The following CDKN2B variants were observed in gnomAD, a reference collection of about 807,000 sequenced individuals.
CDKN2B encodes the protein cyclin-dependent kinase 4 inhibitor B.
In CDKN2B, 8 loss-of-function variants were observed where a neutral mutation model predicts 7.7. The ratio of observed to expected loss-of-function variants is 1.04; its 90% CI spans 0.61 to 1.87. CDKN2B has a LOEUF of 1.87. Among genes scored for constraint, CDKN2B ranks in the 40% most tolerant of loss-of-function variants. The pLI, the probability that CDKN2B is intolerant of heterozygous loss-of-function variation, is 0.00. For synonymous variants in CDKN2B, 93 were observed against 95.8 expected (o/e 0.97, Z 0.17); for missense variants, 244 against 213.1 (o/e 1.15, Z -0.90).
rs183610933 is a variant in CDKN2B at position 22,005,211 on chromosome 9, T to A, written c.*776A>T. ...CTCCACCACCTCATCCTGTGTAGTC[T>A]GCCTGCGGAACCCGCGGGAATCTCT... On this transcript the variant is annotated 3_prime_UTR_variant, in exon 2 of 2. Coordinates refer to ENST00000276925, the MANE Select transcript of CDKN2B (RefSeq NM_004936.4). This position sits in a 1 kb window ranked among gnomAD's most constrained non-coding sequence, Gnocchi z 4.9. The A allele has an allele frequency of 4.3e-6, 1 of 233,586 alleles. No individual in the cohort carries two copies. Among genetic ancestry groups the A allele is most frequent in the Non-Finnish European group, 8.4e-6 (1 of 118,484 alleles). 14.5% of individuals were successfully genotyped at this position (233,586 alleles called of 1,614,324 possible). A position where few individuals can be genotyped will look rare whatever the true frequency, so the allele number is the denominator to read the frequency against.
rs916462399 is a variant in CDKN2B, at chr9:22,009,283, G to A, written c.-330C>T. On this transcript the variant is annotated 5_prime_UTR_variant, in exon 1 of 2. Coordinates refer to ENST00000276925, the MANE Select transcript of CDKN2B (RefSeq NM_004936.4). ...GCGGACGCGTCGCGGAGTCCTCACTGCCCCGCCTCGCTCTGGCAGAGTGGG... is the reference window on the plus strand; with the variant it reads ...GCGGACGCGTCGCGGAGTCCTCACTACCCCGCCTCGCTCTGGCAGAGTGGG... 2 of 483,306 alleles carry A rather than the reference G, an allele frequency of 4.1e-6. No individual in the cohort carries two copies. The highest frequency in any genetic ancestry group is 7.4e-6 in the Non-Finnish European group (2 of 269,794). The allele number at this position is 483,306 out of a possible 1,614,324, so 29.9% of individuals were successfully genotyped here.
At position 22,005,169 on chromosome 9, in the gene CDKN2B, C is replaced by T. The variant is rs1821106664; in HGVS notation, c.*818G>A. On this transcript the variant is annotated 3_prime_UTR_variant, in exon 2 of 2. Coordinates refer to ENST00000276925, the MANE Select transcript of CDKN2B (RefSeq NM_004936.4). The surrounding 1 kb of genome is among the most constrained non-coding windows in gnomAD (Gnocchi z 4.9). ...AAGAAAACGTTACAGTTAACCGTTA[C>T]AATTGCTCTCACTCCACTCCACCAC... 1 of 232,828 alleles carries T rather than the reference C, an allele frequency of 4.3e-6. No homozygotes were observed. Among genetic ancestry groups the T allele is most frequent in the Non-Finnish European group, 8.5e-6 (1 of 118,170 alleles). 14.4% of individuals were successfully genotyped at this position (232,828 alleles called of 1,614,324 possible). A position where few individuals can be genotyped will look rare whatever the true frequency, so the allele number is the denominator to read the frequency against.
rs1170149362 is a variant in CDKN2B, at chr9:22,004,165, C to T, written c.*1822G>A. The T allele has an allele frequency of 4.3e-6, 1 of 232,252 alleles. No individual in the cohort carries two copies. Among genetic ancestry groups the T allele is most frequent in the Non-Finnish European group, 8.5e-6 (1 of 117,552 alleles). The allele number at this position is 232,252 out of a possible 1,614,324, so 14.4% of individuals were successfully genotyped here. On this transcript the variant is annotated 3_prime_UTR_variant, in exon 2 of 2. Coordinates refer to ENST00000276925, the MANE Select transcript of CDKN2B (RefSeq NM_004936.4). The stretch of plus-strand genomic sequence containing the variant: ...CAGATTATGTGTCAATAAACATATC[C>T]TTTCCCCAATAACATATGCTCTGAT...
At chr9:22,008,570 T>C (rs1821308702) in intron 1 of CDKN2B, 2 of 1,211,262 alleles carry the variant, frequency 1.7e-6, no homozygotes, top group Non-Finnish European at 1.1e-6. Context: ...GATCATGAGA[T>C]GGCAGAACAA....
rs2131183663 is a variant in CDKN2B at position 22,006,796 on chromosome 9, G to A, written c.157-549C>T. On this transcript the variant is annotated intron_variant, in intron 1 of 1. Coordinates refer to ENST00000276925, the MANE Select transcript of CDKN2B (RefSeq NM_004936.4). This position sits in a 1 kb window ranked among gnomAD's most constrained non-coding sequence, Gnocchi z 6.4. Reference sequence around the variant, plus strand: ...ATTTAGTTCTCATAGCAAATCCCGTGCGGAAGGCTTTTGTTTGTCATGTGT... The same window carrying A: ...ATTTAGTTCTCATAGCAAATCCCGTACGGAAGGCTTTTGTTTGTCATGTGT... Among the ~76,000 whole-genome samples the A allele has an allele frequency of 6.6e-6, 1 of 151,380 alleles. No individual in the cohort carries two copies. The highest frequency in any genetic ancestry group is 2.1e-4 in the South Asian group (1 of 4,758).
Position 22,003,855 on chromosome 9 carries a change from A to T in CDKN2B, c.*2132T>A, listed in dbSNP as rs564289170. 1 of 232,382 alleles carries T rather than the reference A, an allele frequency of 4.3e-6. No homozygotes were observed. The highest frequency in any genetic ancestry group is 1.8e-4 in the South Asian group (1 of 5,516). The allele number at this position is 232,382 out of a possible 1,614,324, so 14.4% of individuals were successfully genotyped here. The stretch of plus-strand genomic sequence containing the variant: ...AAGAAAAGCCACCTTAGGAGCTTAC[A>T]AGGGAGATCATTGTGTATTTCTGCT... On this transcript the variant is annotated 3_prime_UTR_variant, in exon 2 of 2. Transcript: ENST00000276925.
Position 22,005,934 on chromosome 9 carries a change from T to G in CDKN2B, c.*53A>C, listed in dbSNP as rs1181424323. On this transcript the variant is annotated 3_prime_UTR_variant, in exon 2 of 2. Coordinates refer to ENST00000276925, the MANE Select transcript of CDKN2B (RefSeq NM_004936.4). This position sits in a 1 kb window ranked among gnomAD's most constrained non-coding sequence, Gnocchi z 4.9. ...CTTCATCGAATTAGGTGGGTGGGGG[T>G]GGGAAATTGGGTAAGAAAATAAAGT... 9 of 1,576,160 alleles carry G rather than the reference T, an allele frequency of 5.7e-6. 1 individual carries two copies. Among genetic ancestry groups the G allele is most frequent in the South Asian group, 2.3e-5 (2 of 88,850 alleles).
rs890483419 is a variant in CDKN2B, at chr9:22,003,887, TA to T, written c.*2099del. 4 of 232,202 alleles carry T rather than the reference TA, an allele frequency of 1.7e-5. No individual in the cohort carries two copies. Among genetic ancestry groups the T allele is most frequent in the East Asian group, 1.2e-4 (2 of 16,398 alleles). 14.4% of individuals were successfully genotyped at this position (232,202 alleles called of 1,614,324 possible). A position where few individuals can be genotyped will look rare whatever the true frequency, so the allele number is the denominator to read the frequency against. The stretch of plus-strand genomic sequence containing the variant: ...ATCATTGTGTATTTCTGCTTTTTTT[TA>T]AAAAAAGTTATCTTCATGTGTATCA... On this transcript the variant is annotated 3_prime_UTR_variant, in exon 2 of 2. Coordinates refer to ENST00000276925, the MANE Select transcript of CDKN2B (RefSeq NM_004936.4).
chr9:22,009,015 A>C lies in CDKN2B; in HGVS notation c.-62T>G. 2 of 1,608,008 alleles carry C rather than the reference A, an allele frequency of 1.2e-6. No individual in the cohort carries two copies. Among genetic ancestry groups the C allele is most frequent in the South Asian group, 1.1e-5 (1 of 90,926 alleles). On this transcript the variant is annotated 5_prime_UTR_variant, in exon 1 of 2. Transcript: ENST00000276925. ...CACCGTTGGCCGTAAACTTAACGAC[A>C]CTCTTCCCTTCTTTCCCACGCTGCT...
In CDKN2B at chr9:22,005,223, C is replaced by A. The variant is rs1821112990; in HGVS notation, c.*764G>T. ...ATCCTGTGTAGTCTGCCTGCGGAAC[C>A]CGCGGGAATCTCTCCTCAGTGTAGT... On this transcript the variant is annotated 3_prime_UTR_variant, in exon 2 of 2. Transcript: ENST00000276925. The surrounding 1 kb of genome is among the most constrained non-coding windows in gnomAD (Gnocchi z 4.9). 4.3e-6 allele frequency: 1 copy of A among 233,668 alleles called. No homozygotes were observed. The highest frequency in any genetic ancestry group is 8.4e-6 in the Non-Finnish European group (1 of 118,438). The allele number at this position is 233,668 out of a possible 1,614,324, so 14.5% of individuals were successfully genotyped here.
In CDKN2B at chr9:22,009,145, T is replaced by C. The variant is rs1821358433; in HGVS notation, c.-192A>G. Reference sequence around the variant, plus strand: ...GTGCAGTGGCCGAGCGGCCGGTCGTTAGCTCCGGGCTTTTCCTGGCGCTCA... The same window carrying C: ...GTGCAGTGGCCGAGCGGCCGGTCGTCAGCTCCGGGCTTTTCCTGGCGCTCA... On this transcript the variant is annotated 5_prime_UTR_variant, in exon 1 of 2. Coordinates refer to ENST00000276925, the MANE Select transcript of CDKN2B (RefSeq NM_004936.4). The C allele has an allele frequency of 6.7e-6, 5 of 740,992 alleles. No homozygotes were observed. The highest frequency in any genetic ancestry group is 1.1e-5 in the Non-Finnish European group (5 of 444,044). 45.9% of individuals were successfully genotyped at this position (740,992 alleles called of 1,614,324 possible).
Position 22,003,026 on chromosome 9 carries a change from A to C in CDKN2B, c.*2961T>G, listed in dbSNP as rs1820990313. 1 of 207,374 alleles carries C rather than the reference A, an allele frequency of 4.8e-6. No homozygotes were observed. The highest frequency in any genetic ancestry group is 2.3e-5 in the African/African-American group (1 of 43,928). The allele number at this position is 207,374 out of a possible 1,614,324, so 12.8% of individuals were successfully genotyped here. ...GATACGAACTTAACAGGTATATTTA[A>C]TTTTCTGTATTCCACAATGGAGCTA... On this transcript the variant is annotated 3_prime_UTR_variant, in exon 2 of 2. Transcript: ENST00000276925.
rs1468853355 is a variant in CDKN2B at position 22,002,994 on chromosome 9, AGGTTTAGATAC to A, written c.*2982_*2992del. 2 of 201,596 alleles carry A rather than the reference AGGTTTAGATAC, an allele frequency of 9.9e-6. No homozygotes were observed. Among genetic ancestry groups the A allele is most frequent in the Admixed American group, 1.2e-4 (2 of 16,648 alleles). 12.5% of individuals were successfully genotyped at this position (201,596 alleles called of 1,614,324 possible). ...TTTGTACAAACCTTGGTAATGTCTTAGGTTTAGATACGAACTTAACAGGTATATTTAATTTT... is the reference window on the plus strand; with the variant it reads ...TTTGTACAAACCTTGGTAATGTCTTAGAACTTAACAGGTATATTTAATTTT... On this transcript the variant is annotated 3_prime_UTR_variant, in exon 2 of 2. Coordinates refer to ENST00000276925, the MANE Select transcript of CDKN2B (RefSeq NM_004936.4).
At chr9:22,008,643 G>A in intron 1 of CDKN2B, 155 bp downstream of exon 1, 1 of 1,597,296 alleles carries the variant, frequency 6.3e-7, no homozygotes, top group African/African-American at 1.3e-5. Flanking sequence ...TTTTTGCTGG[G>A]TAAAAGCCTG....
rs2131182234 is a variant in CDKN2B, at chr9:22,006,275, C to T, written c.157-28G>A. 3 of 1,600,518 alleles carry T rather than the reference C, an allele frequency of 1.9e-6. No homozygotes were observed. Among genetic ancestry groups the T allele is most frequent in the Non-Finnish European group, 2.5e-6 (3 of 1,179,766 alleles). ...GCCAGAGAGAGCAGAGTGGTCAGAG[C>T]CAGGGTGGGGGCAGGTATGGGAGAT... On this transcript the variant is annotated intron_variant, in intron 1 of 1. Transcript: ENST00000276925. The surrounding 1 kb of genome is among the most constrained non-coding windows in gnomAD (Gnocchi z 6.4).
Position 22,008,902 on chromosome 9 carries a change from G to C in CDKN2B, c.52C>G (p.Leu18Val). The C allele has an allele frequency of 6.2e-7, 1 of 1,612,880 alleles. No individual in the cohort carries two copies. The highest frequency in any genetic ancestry group is 1.3e-5 in the African/African-American group (1 of 75,064). ...AGTCCCCGCGCCGCGGCGCTGGCCAGACCCTCATCGCTGCCGCCCCCACTG... is the reference window on the plus strand; with the variant it reads ...AGTCCCCGCGCCGCGGCGCTGGCCACACCCTCATCGCTGCCGCCCCCACTG... ...MPSGGGSDEG[L>V]ASAAARGLVE... Residue 18 changes from leucine (L) to valine (V), a missense_variant, in exon 1 of 2, where the codon CTG (leucine) becomes GTG (valine). Leu to Val is a conservative substitution (Grantham distance 32, BLOSUM62 1). Transcript: ENST00000276925.
chr9:22,004,373 A>C lies in CDKN2B; in HGVS notation c.*1614T>G, dbSNP rs569207453. The C allele has an allele frequency of 1.4e-4, 32 of 232,194 alleles. No homozygotes were observed. The highest frequency in any genetic ancestry group is 6.6e-4 in the African/African-American group (30 of 45,442). The allele number at this position is 232,194 out of a possible 1,614,324, so 14.4% of individuals were successfully genotyped here. ...GGTAGAATGAGCATTTAGAAGCATA[A>C]TACATGTATACACTTTGTGTTTAAT... is the stretch of plus-strand genomic sequence containing the variant. On this transcript the variant is annotated 3_prime_UTR_variant, in exon 2 of 2. Transcript: ENST00000276925.
At position 22,008,800 on chromosome 9, in the gene CDKN2B, G is replaced by T; in HGVS notation, c.154C>A (p.Gln52Lys). The change falls in exon 1 of 2, where the codon CAG (glutamine) becomes AAG (lysine). Residue 52 changes from glutamine (Q) to lysine (K), a missense_variant and splice_region_variant. Coordinates refer to ENST00000276925, the MANE Select transcript of CDKN2B (RefSeq NM_004936.4). ...CGAGGCCCTGGGGCCCCAGCTACCT[G>T]GATCGCGCGCCTCCCGAAACGGTTG... is the stretch of plus-strand genomic sequence containing the variant. ...GVNRFGRRAI[Q>K]VMMMGSARVA... 1 of 1,605,402 alleles carries T rather than the reference G, an allele frequency of 6.2e-7. No homozygotes were observed. Among genetic ancestry groups the T allele is most frequent in the Non-Finnish European group, 8.5e-7 (1 of 1,175,770 alleles).
At position 22,006,033 on chromosome 9, in the gene CDKN2B, C is replaced by T. The variant is rs1431174992; in HGVS notation, c.371G>A (p.Gly124Asp). ...RLPVDLAEER[G>D]HRDVAGYLRT... ...CAGGTACCCTGCAACGTCGCGGTGG[C>T]CCCGCTCCTCGGCCAAGTCCACGGG... The change falls in exon 2 of 2, where the codon GGC (glycine) becomes GAC (aspartate). Residue 124 changes from glycine (G) to aspartate (D), a missense_variant. By Grantham distance (94) the Gly-to-Asp change is moderately conservative. Coordinates refer to ENST00000276925, the MANE Select transcript of CDKN2B (RefSeq NM_004936.4). The surrounding 1 kb of genome is among the most constrained non-coding windows in gnomAD (Gnocchi z 6.4). The T allele has an allele frequency of 6.9e-6, 11 of 1,604,084 alleles. No individual in the cohort carries two copies. The highest frequency in any genetic ancestry group is 1.7e-4 in the Middle Eastern group (1 of 5,852).
Sources: gnomAD v4.1 joint callset for allele counts (sites outside exome capture counted in the v4.1 genomes callset) on GRCh38, gnomAD v4.1.1 for gene constraint, Gnocchi (gnomAD v3.1) non-coding constraint, MANE v1.5 for transcripts, NCBI Gene and HGNC (gene_info 2026-07-23, HGNC 2026-07-21) for gene names.